The following SSBP2 variants were observed in gnomAD, a reference collection of about 807,000 sequenced individuals.
SSBP2 encodes single-stranded DNA-binding protein 2.
In SSBP2, 17 loss-of-function variants were observed where a neutral mutation model predicts 61.8. That is an observed-to-expected ratio of 0.28 (90% CI 0.19 to 0.41). SSBP2 has a LOEUF of 0.41. Ranked by LOEUF, SSBP2 falls within the 10% of genes least tolerant of loss-of-function variation. SSBP2 has a pLI of 1.00. For synonymous variants in SSBP2, 139 were observed against 141.3 expected, an observed-to-expected ratio of 0.98 and a Z score of 0.12; for missense variants, 310 against 458.7, an observed-to-expected ratio of 0.68 and a Z score of 2.96.
chr5:81,663,443 T>C (rs1750860588), intron 1 of SSBP2, among the ~76,000 whole-genome samples: 1 of 150,668 alleles, frequency 6.6e-6, no homozygotes, highest in Non-Finnish European at 1.5e-5. Flanking sequence ...TTTTTAACTT[T>C]GTGAACAGGA....
chr5:81,451,971 A>G (rs1763802670), intron 10 of SSBP2, among the ~76,000 whole-genome samples: 1 of 152,268 alleles, frequency 6.6e-6, no homozygotes, highest in Admixed American at 6.5e-5. Flanking sequence ...GACATAAAAT[A>G]TAACAATATA....
At chr5:81,515,682 ATT>A (rs35158992) in intron 4 of SSBP2, among the ~76,000 whole-genome samples, 12 of 149,654 alleles carry the variant, frequency 8.0e-5, no homozygotes, top group African/African-American at 2.4e-4. Flanking sequence ...CTAATTGCTT[ATT>A]TTTTTTTTCT....
Position 81,750,737 on chromosome 5 carries a change from C to A in SSBP2, c.62+244G>T. On this transcript the variant is annotated intron_variant, in intron 1 of 16. Transcript: ENST00000320672. Reference sequence around the variant, plus strand: ...CCATCCTCGCCACCAGCACCACCGCCGCCCCTCAACACACCCGGTCCCTCC... The same window carrying A: ...CCATCCTCGCCACCAGCACCACCGCAGCCCCTCAACACACCCGGTCCCTCC... The A allele has an allele frequency of 5.5e-6, 3 of 542,920 alleles. No individual in the cohort carries two copies. The South Asian group carries it at 6.8e-5, about 12-fold the overall frequency. The allele number at this position is 542,920 out of a possible 1,614,324, so 33.6% of individuals were successfully genotyped here. A position where few individuals can be genotyped will look rare whatever the true frequency, so the allele number is the denominator to read the frequency against.
chr5:81,749,676 A>C (rs12518038), intron 1 of SSBP2, among the ~76,000 whole-genome samples: 1 of 136,878 alleles, frequency 7.3e-6, no homozygotes, highest in Non-Finnish European at 1.7e-5. Context: ...TAAAAAAAAA[A>C]GGGGGGGGTT....
chr5:81,459,758 TG>T (rs373908721), intron 10 of SSBP2, among the ~76,000 whole-genome samples: 1 of 152,198 alleles, frequency 6.6e-6, no homozygotes, highest in African/African-American at 2.4e-5. Context: ...TTGAATGAAT[TG>T]GTTAGGTCAA....
chr5:81,511,114 C>G (rs545473306), intron 5 of SSBP2, among the ~76,000 whole-genome samples: 1 of 152,232 alleles, frequency 6.6e-6, no homozygotes, highest in South Asian at 2.1e-4. Context: ...ATTTCTTCCC[C>G]TCTCTTCCTT....
chr5:81,545,384 A>G (rs374725167), intron 4 of SSBP2, among the ~76,000 whole-genome samples: 29 of 152,300 alleles, frequency 1.9e-4, no homozygotes, highest in East Asian at 5.8e-4. Context: ...CCACTTTCCT[A>G]CCTTGACTAA....
chr5:81,600,652 G>C (rs1744274025), intron 4 of SSBP2, among the ~76,000 whole-genome samples: 2 of 148,240 alleles, frequency 1.3e-5, no homozygotes, highest in Admixed American at 1.3e-4. Flanking sequence ...AAATAATTCA[G>C]AATCATAAGA....
At chr5:81,683,668 CAAG>C (rs1752567706) in intron 1 of SSBP2, among the ~76,000 whole-genome samples, 1 of 151,892 alleles carries the variant, frequency 6.6e-6, no homozygotes, top group Non-Finnish European at 1.5e-5. Context: ...AAGGCACTGT[CAAG>C]AGAATGAGAA....
intron 1 of SSBP2, among the ~76,000 whole-genome samples, chr5:81,650,655 C>A (rs1749647007): frequency 6.6e-6 from 1 of 151,970 alleles, no homozygotes; most frequent in African/African-American, 2.4e-5. Flanking sequence ...CTCTAAATCC[C>A]ATTTGAAGAC....
intron 4 of SSBP2, among the ~76,000 whole-genome samples, chr5:81,565,764 G>T (rs1773376219): frequency 6.6e-6 from 1 of 152,104 alleles, no homozygotes; most frequent in Non-Finnish European, 1.5e-5. Context: ...AACGGTAAGT[G>T]AAAGAAATAC....
chr5:81,509,912 T>A (rs1768467351), intron 5 of SSBP2, among the ~76,000 whole-genome samples: 1 of 152,292 alleles, frequency 6.6e-6, no homozygotes, highest in South Asian at 2.1e-4. Flanking sequence ...TATGAACTGT[T>A]TATTCCTTTC....
At chr5:81,581,436 T>C (rs1049700463) in intron 4 of SSBP2, among the ~76,000 whole-genome samples, 1 of 152,202 alleles carries the variant, frequency 6.6e-6, no homozygotes, top group Admixed American at 6.5e-5. Context: ...CTGTATCATG[T>C]TAACAGAAAC....
chr5:81,735,704 T>C (rs932442687), intron 1 of SSBP2, among the ~76,000 whole-genome samples: 1 of 152,186 alleles, frequency 6.6e-6, no homozygotes, highest in Non-Finnish European at 1.5e-5. Flanking sequence ...TTTTAAATAA[T>C]AAGATAATTT....
chr5:81,610,101 G>C (rs1370754643), intron 4 of SSBP2, among the ~76,000 whole-genome samples: 2 of 152,108 alleles, frequency 1.3e-5, no homozygotes, highest in African/African-American at 4.8e-5. Flanking sequence ...AACACAGTCG[G>C]GCTGGGGCAT....
chr5:81,735,090 T>C (rs1351943963), intron 1 of SSBP2, among the ~76,000 whole-genome samples: 2 of 152,164 alleles, frequency 1.3e-5, no homozygotes, highest in Non-Finnish European at 2.9e-5. Context: ...ACTTAAGAAT[T>C]TTGCTTAGAA....
At chr5:81,609,752 T>C (rs1745258300) in intron 4 of SSBP2, among the ~76,000 whole-genome samples, 1 of 152,224 alleles carries the variant, frequency 6.6e-6, no homozygotes, top group Non-Finnish European at 1.5e-5. Context: ...AGCATTCAAC[T>C]ATTTTACATA....
intron 12 of SSBP2, among the ~76,000 whole-genome samples, chr5:81,445,417 CT>C (rs1211070646): frequency 2.0e-5 from 3 of 151,130 alleles, no homozygotes; most frequent in South Asian, 2.1e-4. Flanking sequence ...GCTCCAAAAA[CT>C]TTTTTTTAGT....
chr5:81,560,535 T>C (rs1352774842), intron 4 of SSBP2, among the ~76,000 whole-genome samples: 2 of 152,180 alleles, frequency 1.3e-5, no homozygotes, highest in African/African-American at 2.4e-5. Flanking sequence ...CAGACACGGA[T>C]AGAAAGCCAC....
Sources: gnomAD v4.1 joint callset for allele counts (sites outside exome capture counted in the v4.1 genomes callset) on GRCh38, gnomAD v4.1.1 for gene constraint, MANE v1.5 for transcripts, NCBI Gene and HGNC (gene_info 2026-07-23, HGNC 2026-07-21) for gene names.